Variants in CEP63 observed in about 807,000 individuals in gnomAD.
CEP63 encodes the protein centrosomal protein of 63 kDa.
CEP63 carries 84 observed loss-of-function variants against 89.1 expected under a neutral mutation model. The ratio of observed to expected loss-of-function variants is 0.94; its 90% confidence interval spans 0.79 to 1.13. The LOEUF is 1.13. Among genes scored for constraint, CEP63 ranks in the 50% most tolerant of loss-of-function variants. The pLI is 0.00. For synonymous variants in CEP63, 267 were observed against 272.5 expected, an observed-to-expected ratio of 0.98 and a Z score of 0.20; for missense variants, 838 against 813.3, an observed-to-expected ratio of 1.03 and a Z score of -0.37.
At chr3:134,775,283 G>C in the CEP63 span, among the ~76,000 whole-genome samples, 1 of 152,194 alleles carries the variant, frequency 6.6e-6, no homozygotes, top group Non-Finnish European at 1.5e-5. Flanking sequence ...AGGGAAAGGA[G>C]CTGAACAAGG....
At chr3:134,542,558 T>A (rs1258391143) in intron 6 of CEP63, among the ~76,000 whole-genome samples, 1 of 152,218 alleles carries the variant, frequency 6.6e-6, no homozygotes, top group Non-Finnish European at 1.5e-5. Context: ...ACAATGGCCG[T>A]ACCTTCATAC....
chr3:134,516,359 C>G (rs1018204871), intron 3 of CEP63, among the ~76,000 whole-genome samples: 7 of 152,218 alleles, frequency 4.6e-5, no homozygotes, highest in African/African-American at 1.7e-4. Context: ...AACATACAAT[C>G]GGGTTTTATA....
chr3:134,646,347 G>A, the CEP63 span, among the ~76,000 whole-genome samples: 1 of 152,142 alleles, frequency 6.6e-6, no homozygotes, highest in Non-Finnish European at 1.5e-5. Context: ...TGGGGAGTGT[G>A]TCTTGAGGAC....
At chr3:134,541,538 G>C (rs1202044518) in intron 6 of CEP63, among the ~76,000 whole-genome samples, 2 of 135,358 alleles carry the variant, frequency 1.5e-5, no homozygotes, top group Admixed American at 7.7e-5. Flanking sequence ...TTTTTGAGAC[G>C]GATTTTCGCT....
chr3:134,698,095 G>A, the CEP63 span, among the ~76,000 whole-genome samples: 1 of 152,162 alleles, frequency 6.6e-6, no homozygotes, highest in East Asian at 1.9e-4. Context: ...CAGATACCCC[G>A]CCAACCTGAC....
chr3:134,668,600 G>T, the CEP63 span, among the ~76,000 whole-genome samples: 1 of 152,098 alleles, frequency 6.6e-6, no homozygotes, highest in Non-Finnish European at 1.5e-5. Flanking sequence ...TCATGGAGCT[G>T]CTTTTAGCAA....
chr3:134,681,762 C>T, the CEP63 span, among the ~76,000 whole-genome samples: 6,089 of 152,318 alleles, frequency 0.04, 163 homozygotes, highest in Middle Eastern at 0.068. Context: ...CAGATGTTGC[C>T]ATTTGTTGTT....
At chr3:134,496,918 C>T (rs1940267580) in intron 2 of CEP63, among the ~76,000 whole-genome samples, 1 of 151,972 alleles carries the variant, frequency 6.6e-6, no homozygotes, top group Non-Finnish European at 1.5e-5. Context: ...TCCCTTTTGT[C>T]CACATCCCCC....
the CEP63 span, among the ~76,000 whole-genome samples, chr3:134,730,423 A>T: frequency 6.6e-6 from 1 of 152,204 alleles, no homozygotes; most frequent in Non-Finnish European, 1.5e-5. Flanking sequence ...TTTCCATGTA[A>T]GTATTATTTA....
At chr3:134,702,454 C>T in the CEP63 span, among the ~76,000 whole-genome samples, 8 of 151,016 alleles carry the variant, frequency 5.3e-5, no homozygotes, top group Non-Finnish European at 1.0e-4. Flanking sequence ...GGAGGCATCA[C>T]GCTACCTGAC....
In CEP63 at chr3:134,550,235, C is replaced by A. The variant is rs924229392; in HGVS notation, c.1355C>A (p.Ala452Glu). The A allele has an allele frequency of 1.2e-6, 2 of 1,613,990 alleles. No individual in the cohort carries two copies. Among genetic ancestry groups the A allele is most frequent in the Admixed American group, 1.7e-5 (1 of 60,002 alleles). Residue 452 changes from alanine to glutamate, a missense_variant, in exon 11 of 15, where the codon GCA becomes GAA. Physicochemically the swap from Ala to Glu is moderately radical, Grantham distance 107 (BLOSUM62 -1). Transcript: ENST00000675561. The stretch of plus-strand genomic sequence containing the variant: ...CGACTCAGAGCAGAGATGCAAAAGG[C>A]AGAAGACAAAGCAGTAGAGCATAAG... ...EKRLRAEMQK[A>E]EDKAVEHKEI...
downstream of CEP63, among the ~76,000 whole-genome samples, chr3:134,569,893 G>A (rs962792827): frequency 6.6e-6 from 1 of 152,184 alleles, no homozygotes; most frequent in Admixed American, 6.5e-5. Context: ...CTAGGTGGAG[G>A]TTCCCAAACC....
At chr3:134,577,406 CTTT>C (rs1285249032), downstream of CEP63, among the ~76,000 whole-genome samples, 2 of 128,978 alleles carry the variant, frequency 1.6e-5, no homozygotes, top group Non-Finnish European at 3.4e-5. Flanking sequence ...TTACCAAAAA[CTTT>C]TTTGTGGCCT....
the CEP63 span, among the ~76,000 whole-genome samples, chr3:134,683,394 A>G: frequency 6.6e-6 from 1 of 152,184 alleles, no homozygotes; most frequent in Non-Finnish European, 1.5e-5. Context: ...TCCTCATTTT[A>G]CTGAAAAGGA....
chr3:134,520,620 G>C (rs537637496), intron 3 of CEP63, among the ~76,000 whole-genome samples: 1 of 152,266 alleles, frequency 6.6e-6, no homozygotes, highest in East Asian at 1.9e-4. Context: ...GGAGCACTTA[G>C]GGTACTAGAA....
chr3:134,611,400 C>T, the CEP63 span, among the ~76,000 whole-genome samples: 4 of 152,212 alleles, frequency 2.6e-5, no homozygotes, highest in Non-Finnish European at 1.5e-5. Flanking sequence ...GCCAGCTGGT[C>T]TTGCTCCTCA....
rs760943250 is a variant in CEP63 at position 134,549,035 on chromosome 3, G to A, written c.1068-27G>A. 2.5e-5 allele frequency: 37 copies of A among 1,478,586 alleles called. No individual in the cohort carries two copies. In the South Asian group the frequency reaches 4.2e-4, roughly 17 times the overall value. 91.6% of individuals were successfully genotyped at this position (1,478,586 alleles called of 1,614,324 possible). On this transcript the variant is annotated intron_variant, in intron 9 of 14. Transcript: ENST00000675561. ...ATAGGTTTCAGGATTTTGGTTTTAAGTATGGGATCTTATTTTTGTCATACA... is the reference window on the plus strand; with the variant it reads ...ATAGGTTTCAGGATTTTGGTTTTAAATATGGGATCTTATTTTTGTCATACA...
chr3:134,769,445 A>T, the CEP63 span, among the ~76,000 whole-genome samples: 4 of 152,206 alleles, frequency 2.6e-5, no homozygotes, highest in Non-Finnish European at 5.9e-5. Flanking sequence ...GGAAGTTCTC[A>T]TAATAACAGC....
At chr3:134,699,060 G>A in the CEP63 span, among the ~76,000 whole-genome samples, 6 of 152,310 alleles carry the variant, frequency 3.9e-5, no homozygotes, top group African/African-American at 1.2e-4. Context: ...CAGTGGGCTG[G>A]GGCCAAATTC....
Sources: gnomAD v4.1 joint callset for allele counts (sites outside exome capture counted in the v4.1 genomes callset) on GRCh38, gnomAD v4.1.1 for gene constraint, MANE v1.5 for transcripts, NCBI Gene and HGNC (gene_info 2026-07-23, HGNC 2026-07-21) for gene names.